NRF1: variants seen among roughly 807,000 people sequenced by gnomAD.
NRF1 encodes the protein alpha palindromic-binding protein.
Under a neutral mutation model 58.5 loss-of-function variants are expected in NRF1, and 5 were observed. The ratio of observed to expected loss-of-function variants is 0.09; its 90% CI spans 0.04 to 0.18. The LOEUF is 0.18. Ranked by LOEUF, NRF1 falls within the 10% of genes least tolerant of loss-of-function variation. NRF1 has a pLI of 1.00. For missense variants in NRF1, 288 were observed against 657.7 expected (o/e 0.44, Z 6.15); for synonymous variants, 224 against 246.7 (o/e 0.91, Z 0.86).
At chr7:129,731,860 G>A (rs973581159) in intron 10 of NRF1, among the ~76,000 whole-genome samples, 4 of 152,024 alleles carry the variant, frequency 2.6e-5, no homozygotes, top group African/African-American at 4.8e-5. Context: ...TGATCCTCCC[G>A]CCTTAGTCTC....
intron 5 of NRF1, among the ~76,000 whole-genome samples, chr7:129,702,218 TC>T (rs1325706400): frequency 3.3e-5 from 5 of 152,240 alleles, no homozygotes; most frequent in African/African-American, 9.6e-5. Flanking sequence ...CCAAACTGTC[TC>T]CTTCAAAGAG....
intron 10 of NRF1, among the ~76,000 whole-genome samples, chr7:129,752,369 G>T (rs917335986): frequency 1.3e-5 from 2 of 151,846 alleles, no homozygotes; most frequent in African/African-American, 4.8e-5. Context: ...AGTAGTCTGG[G>T]GGTGGGGGGC....
Position 129,633,972 on chromosome 7 carries a change from T to C in NRF1, c.-7+22148T>C, listed in dbSNP as rs569126886. 2.7e-5 allele frequency among the ~76,000 whole-genome samples: 4 copies of C among 150,292 alleles called. No individual in the cohort carries two copies. In the South Asian group the frequency reaches 8.4e-4, roughly 31 times the overall value. On this transcript the variant is annotated intron_variant, in intron 1 of 10. Transcript: ENST00000393232. ...GCTCCTGACCATGCCTGAAAATCCC[T>C]GTACCCCACTTTGACCGTGATTTTT...
chr7:129,719,544 A>ACACACACACACACAC (rs1584669977), intron 9 of NRF1, among the ~76,000 whole-genome samples: 4 of 137,486 alleles, frequency 2.9e-5, no homozygotes, highest in Non-Finnish European at 3.2e-5. Context: ...ACACACACAC[A>ACACACACACACACAC]ACACATCTTC....
chr7:129,689,702 A>C lies in NRF1; in HGVS notation c.466-704A>C, dbSNP rs1457003396. ...GTAGTGGGAATGCAGACAACGAACA[A>C]CAATATCTGGTTCCAACCTGGGCTA... On this transcript the variant is annotated intron_variant, in intron 4 of 10. Coordinates refer to ENST00000393232, the MANE Select transcript of NRF1 (RefSeq NM_005011.5). 2.0e-5 allele frequency among the ~76,000 whole-genome samples: 3 copies of C among 152,234 alleles called. No homozygotes were observed. The East Asian group carries it at 5.8e-4, about 29-fold the overall frequency.
intron 9 of NRF1, among the ~76,000 whole-genome samples, chr7:129,721,033 T>TA (rs1210805201): frequency 6.6e-6 from 1 of 151,760 alleles, no homozygotes; most frequent in Non-Finnish European, 1.5e-5. Flanking sequence ...TATATGTATA[T>TA]AAAAAATAGC....
At chr7:129,749,377 A>G (rs1804058580) in intron 10 of NRF1, among the ~76,000 whole-genome samples, 1 of 151,876 alleles carries the variant, frequency 6.6e-6, no homozygotes, top group South Asian at 2.1e-4. Flanking sequence ...ATTTGGGAAG[A>G]GAGGAGACTT....
intron 2 of NRF1, among the ~76,000 whole-genome samples, chr7:129,657,827 C>T (rs559328046): frequency 6.6e-6 from 1 of 152,012 alleles, no homozygotes; most frequent in Non-Finnish European, 1.5e-5. Flanking sequence ...CCCAGGTTGG[C>T]CTCAAAGTCC....
intron 1 of NRF1, among the ~76,000 whole-genome samples, chr7:129,634,031 A>T (rs1241570980): frequency 2.3e-5 from 1 of 44,138 alleles, no homozygotes; most frequent in Non-Finnish European, 4.6e-5. Flanking sequence ...TCTGTATTTA[A>T]AAAAAAAAAA....
intron 10 of NRF1, among the ~76,000 whole-genome samples, chr7:129,753,232 A>C (rs940480582): frequency 6.6e-6 from 1 of 152,210 alleles, no homozygotes; most frequent in African/African-American, 2.4e-5. Context: ...AAAGAACTAA[A>C]AGGGGCCTCT....
chr7:129,710,836 T>G (rs1803056002), intron 7 of NRF1, among the ~76,000 whole-genome samples: 1 of 151,998 alleles, frequency 6.6e-6, no homozygotes, highest in African/African-American at 2.4e-5. Context: ...AAGATCTCTC[T>G]CTGTCATCAC....
At chr7:129,711,910 A>C (rs748527936) in intron 8 of NRF1, among the ~76,000 whole-genome samples, 1 of 152,336 alleles carries the variant, frequency 6.6e-6, no homozygotes, top group South Asian at 2.1e-4. Flanking sequence ...ATGAAAAAAA[A>C]ATGTCACATT....
At position 129,690,607 on chromosome 7, in the gene NRF1, C is replaced by G. The variant is rs1802544261; in HGVS notation, c.606+61C>G. 5.7e-6 allele frequency: 9 copies of G among 1,578,834 alleles called. No homozygotes were observed. The East Asian group carries it at 2.0e-4, about 35-fold the overall frequency. On this transcript the variant is annotated intron_variant, in intron 5 of 10. Coordinates refer to ENST00000393232, the MANE Select transcript of NRF1 (RefSeq NM_005011.5). Reference sequence around the variant, plus strand: ...AAGTGGCACAGGTGTGGGCGGGCCTCTGATCACTTTTCTGCATTTTGTCCT... The same window carrying G: ...AAGTGGCACAGGTGTGGGCGGGCCTGTGATCACTTTTCTGCATTTTGTCCT...
At chr7:129,668,696 G>A (rs1801975537) in intron 2 of NRF1, among the ~76,000 whole-genome samples, 1 of 152,180 alleles carries the variant, frequency 6.6e-6, no homozygotes, top group African/African-American at 2.4e-5. Context: ...CAGCATGGAT[G>A]AATCTAGAAA....
chr7:129,620,549 C>G (rs1293603565), intron 1 of NRF1, among the ~76,000 whole-genome samples: 1 of 152,024 alleles, frequency 6.6e-6, no homozygotes, highest in Non-Finnish European at 1.5e-5. Context: ...CCACCATGCC[C>G]AGCTAATTTT....
rs1801809344 is a variant in NRF1, at chr7:129,662,524, G to A, written c.223+4950G>A. 2.0e-5 allele frequency among the ~76,000 whole-genome samples: 3 copies of A among 151,282 alleles called. 1 individual carries two copies. In the South Asian group the frequency reaches 6.3e-4, roughly 32 times the overall value. On this transcript the variant is annotated intron_variant, in intron 2 of 10. Coordinates refer to ENST00000393232, the MANE Select transcript of NRF1 (RefSeq NM_005011.5). ...CCTGGTAATTCTCTCTCAAGTTTCT[G>A]TTACATGTTGTTAATGTCATTTCTT... is the stretch of plus-strand genomic sequence containing the variant.
chr7:129,633,284 A>AT (rs558539828), intron 1 of NRF1, among the ~76,000 whole-genome samples: 55 of 152,280 alleles, frequency 3.6e-4, no homozygotes, highest in Admixed American at 6.5e-4. Flanking sequence ...GGTTTTAACC[A>AT]TTTTTTATGG....
chr7:129,697,175 G>C (rs192038411), intron 5 of NRF1, among the ~76,000 whole-genome samples: 3 of 150,848 alleles, frequency 2.0e-5, no homozygotes, highest in Non-Finnish European at 3.0e-5. Context: ...CAACAATTAA[G>C]TGAGACAACA....
At chr7:129,748,147 C>T (rs1288328548) in intron 10 of NRF1, among the ~76,000 whole-genome samples, 2 of 151,506 alleles carry the variant, frequency 1.3e-5, no homozygotes, top group South Asian at 2.1e-4. Flanking sequence ...TGGTGGTGCG[C>T]GCCTGTAATC....
Sources: gnomAD v4.1 joint callset for allele counts (sites outside exome capture counted in the v4.1 genomes callset) on GRCh38, gnomAD v4.1.1 for gene constraint, MANE v1.5 for transcripts, NCBI Gene and HGNC (gene_info 2026-07-23, HGNC 2026-07-21) for gene names.